The following SMAP1 variants were observed in gnomAD, a reference collection of about 807,000 sequenced individuals.
SMAP1 encodes the protein small ArfGAP 1.
A neutral mutation model predicts 58.5 loss-of-function variants in SMAP1; 24 were observed. The ratio of observed to expected loss-of-function variants is 0.41; its 90% CI spans 0.30 to 0.58. The LOEUF is 0.58. SMAP1 is among the 20% of genes least tolerant of loss of function. SMAP1 has a pLI of 0.29. For missense variants in SMAP1, 563 were observed against 566.3 expected, an observed-to-expected ratio of 0.99 and a Z score of 0.06; for synonymous variants, 216 against 196.6, an observed-to-expected ratio of 1.10 and a Z score of -0.82.
intron 6 of SMAP1, among the ~76,000 whole-genome samples, chr6:70,829,122 A>T (rs1211771340): frequency 6.6e-6 from 1 of 152,110 alleles, no homozygotes; most frequent in Non-Finnish European, 1.5e-5. Context: ...ATCACCCACG[A>T]CTACCATTAC....
intron 1 of SMAP1, among the ~76,000 whole-genome samples, chr6:70,670,961 C>G (rs374361937): frequency 1.3e-5 from 2 of 152,190 alleles, no homozygotes; most frequent in South Asian, 2.1e-4. Context: ...CCTGCTCTTA[C>G]CAAATCTGTT....
chr6:70,762,801 C>T (rs10945246), intron 3 of SMAP1, among the ~76,000 whole-genome samples: 75,645 of 151,836 alleles, frequency 0.5, 19,160 homozygotes, highest in African/African-American at 0.52. Flanking sequence ...TGTATACTTC[C>T]TAGAGATAAG....
chr6:70,732,038 C>T lies in SMAP1; in HGVS notation c.119-340C>T, dbSNP rs570172517. Among the ~76,000 whole-genome samples the T allele has an allele frequency of 1.2e-4, 19 of 152,116 alleles. 1 individual carries two copies. In the South Asian group the frequency reaches 3.9e-3, roughly 32 times the overall value. On this transcript the variant is annotated intron_variant, in intron 1 of 10. Transcript: ENST00000370455. ...TTGTTAATCTTGTGCATATCTTATG[C>T]ATTTAATAAAGAAATTATTTTTACA...
chr6:70,861,994 A>T lies in SMAP1; in HGVS notation c.*1660A>T, dbSNP rs776396014. The stretch of plus-strand genomic sequence containing the variant: ...ACAGCAAATCCTTTGTGAAAAATAA[A>T]AAAAAAAAAGAGACTTTAAAATCCT... On this transcript the variant is annotated 3_prime_UTR_variant, in exon 11 of 11. Coordinates refer to ENST00000370455, the MANE Select transcript of SMAP1 (RefSeq NM_001044305.3). 5.5e-5 allele frequency: 86 copies of T among 1,564,254 alleles called. 2 individuals are homozygous for T. In the South Asian group the frequency reaches 9.1e-4, roughly 17 times the overall value.
intron 2 of SMAP1, among the ~76,000 whole-genome samples, chr6:70,748,903 T>C (rs1766158482): frequency 6.6e-6 from 1 of 152,124 alleles, no homozygotes; most frequent in Non-Finnish European, 1.5e-5. Flanking sequence ...TACACAGACT[T>C]ATAGTTGGCA....
chr6:70,781,868 A>G (rs989029426), intron 4 of SMAP1, among the ~76,000 whole-genome samples: 3 of 152,150 alleles, frequency 2.0e-5, no homozygotes, highest in Non-Finnish European at 2.9e-5. Context: ...AAGTTTATAC[A>G]ATTGTAGTGT....
intron 1 of SMAP1, among the ~76,000 whole-genome samples, chr6:70,708,786 T>G (rs1480146752): frequency 6.6e-6 from 1 of 152,192 alleles, no homozygotes. Flanking sequence ...TCTATTCAGG[T>G]CCTTTGCCCG....
At position 70,856,895 on chromosome 6, in the gene SMAP1, A is replaced by G. The variant is rs377311394; in HGVS notation, c.826A>G (p.Thr276Ala). Residue 276 changes from threonine (T) to alanine (A), a missense_variant, in exon 9 of 11, where the codon ACA becomes GCA. Transcript: ENST00000370455. ...PSAPAAATLS[T>A]VTSGDLDLFT... ...TGCACCAGCAGCTGCAACCCTGTCT[A>G]CAGTAACATCTGGGGATCTAGATTT... The G allele has an allele frequency of 1.2e-6, 2 of 1,613,700 alleles. No homozygotes were observed. Among genetic ancestry groups the G allele is most frequent in the East Asian group, 2.2e-5 (1 of 44,872 alleles).
chr6:70,827,626 T>A (rs1326256524), intron 6 of SMAP1, among the ~76,000 whole-genome samples: 1 of 152,222 alleles, frequency 6.6e-6, no homozygotes, highest in Non-Finnish European at 1.5e-5. Context: ...TCCATAACAC[T>A]GGAAGATTTT....
chr6:70,739,791 T>G (rs1765744789), intron 2 of SMAP1, among the ~76,000 whole-genome samples: 1 of 152,116 alleles, frequency 6.6e-6, no homozygotes, highest in Non-Finnish European at 1.5e-5. Flanking sequence ...TAAATTACAT[T>G]TTTTTCCGTC....
intron 3 of SMAP1, among the ~76,000 whole-genome samples, chr6:70,761,471 A>G (rs371342828): frequency 3.9e-5 from 6 of 152,024 alleles, no homozygotes; most frequent in African/African-American, 9.7e-5. Context: ...TTATATCTCA[A>G]ATGACTTCTG....
chr6:70,725,988 G>C (rs1046261027), intron 1 of SMAP1, among the ~76,000 whole-genome samples: 1 of 152,124 alleles, frequency 6.6e-6, no homozygotes. Flanking sequence ...AGGGAATTTC[G>C]TTTGGAATGA....
chr6:70,750,995 T>C (rs1176866624), intron 2 of SMAP1, among the ~76,000 whole-genome samples: 1 of 152,168 alleles, frequency 6.6e-6, no homozygotes, highest in Non-Finnish European at 1.5e-5. Context: ...ATCCCAGCAC[T>C]TTGGGAGGCC....
intron 6 of SMAP1, among the ~76,000 whole-genome samples, chr6:70,822,309 T>C (rs1769924350): frequency 1.3e-5 from 2 of 152,176 alleles, no homozygotes; most frequent in South Asian, 4.1e-4. Context: ...AAATATATTA[T>C]TTCGTAGTCC....
chr6:70,667,965 G>A lies in SMAP1; in HGVS notation c.-59G>A, dbSNP rs1231703860. Reference sequence around the variant, plus strand: ...GCGCCAGGTGCGTTCACTCTGCCCGGCTCCAGCCAGCGTCCGCCGCCGCCG... The same window carrying A: ...GCGCCAGGTGCGTTCACTCTGCCCGACTCCAGCCAGCGTCCGCCGCCGCCG... On this transcript the variant is annotated 5_prime_UTR_variant, in exon 1 of 11. Coordinates refer to ENST00000370455, the MANE Select transcript of SMAP1 (RefSeq NM_001044305.3). 11 of 1,463,400 alleles carry A rather than the reference G, an allele frequency of 7.5e-6. No individual in the cohort carries two copies. Among genetic ancestry groups the A allele is most frequent in the Non-Finnish European group, 9.3e-6 (10 of 1,080,256 alleles). 90.7% of individuals were successfully genotyped at this position (1,463,400 alleles called of 1,614,324 possible). A position where few individuals can be genotyped will look rare whatever the true frequency, so the allele number is the denominator to read the frequency against.
intron 4 of SMAP1, among the ~76,000 whole-genome samples, chr6:70,782,418 C>T (rs894895488): frequency 1.2e-4 from 18 of 152,070 alleles, no homozygotes; most frequent in Middle Eastern, 3.4e-3. Flanking sequence ...GATGGTGAAC[C>T]GAATAGAAAT....
chr6:70,806,852 C>T (rs190960092), intron 6 of SMAP1, among the ~76,000 whole-genome samples: 3 of 152,264 alleles, frequency 2.0e-5, no homozygotes, highest in East Asian at 1.9e-4. Context: ...ACTAAATCCT[C>T]GAAGGACCTA....
chr6:70,701,746 A>T (rs920724513), intron 1 of SMAP1, among the ~76,000 whole-genome samples: 1 of 152,176 alleles, frequency 6.6e-6, no homozygotes, highest in African/African-American at 2.4e-5. Flanking sequence ...TGAGGAGGGT[A>T]GTGTAGGCAA....
chr6:70,697,015 T>C (rs899900743), intron 1 of SMAP1, among the ~76,000 whole-genome samples: 1 of 152,230 alleles, frequency 6.6e-6, no homozygotes, highest in Non-Finnish European at 1.5e-5. Flanking sequence ...AGTTTTTCTC[T>C]TGAAATCTAT....
Sources: gnomAD v4.1 joint callset for allele counts (sites outside exome capture counted in the v4.1 genomes callset) on GRCh38, gnomAD v4.1.1 for gene constraint, MANE v1.5 for transcripts, NCBI Gene and HGNC (gene_info 2026-07-23, HGNC 2026-07-21) for gene names.